Variants in DLG2 observed in about 807,000 individuals in gnomAD.
The protein encoded by DLG2 is discs large MAGUK scaffold protein 2.
A neutral mutation model predicts 132.5 loss-of-function variants in DLG2; 45 were observed. The observed-to-expected ratio is 0.34, with a 90% CI of 0.27 to 0.44. The LOEUF is 0.44. Among genes scored for constraint, DLG2 ranks in the 20% least tolerant of loss-of-function variants. The pLI is 1.00. For synonymous variants in DLG2, 424 were observed against 419.6 expected, an observed-to-expected ratio of 1.01 and a Z score of -0.13; for missense variants, 1,045 against 1,196.9, an observed-to-expected ratio of 0.87 and a Z score of 1.87.
At chr11:83,861,188 C>T (rs1461466020) in intron 16 of DLG2, among the ~76,000 whole-genome samples, 2 of 152,204 alleles carry the variant, frequency 1.3e-5, no homozygotes, top group African/African-American at 4.8e-5. Flanking sequence ...GATATCATTT[C>T]ACCCCAGTCA....
intron 8 of DLG2, among the ~76,000 whole-genome samples, chr11:84,243,815 G>C (rs2097266509): frequency 6.6e-6 from 1 of 152,128 alleles, no homozygotes; most frequent in South Asian, 2.1e-4. Context: ...TCAGAGAAAT[G>C]TTTTATTTTA....
At chr11:83,871,883 G>GT (rs894736265) in intron 16 of DLG2, among the ~76,000 whole-genome samples, 4 of 151,556 alleles carry the variant, frequency 2.6e-5, no homozygotes, top group African/African-American at 4.9e-5. Flanking sequence ...AATAAATTTT[G>GT]TTTTTTTTCA....
At chr11:84,693,360 C>T (rs893487259) in intron 6 of DLG2, among the ~76,000 whole-genome samples, 2 of 151,616 alleles carry the variant, frequency 1.3e-5, no homozygotes, top group South Asian at 2.1e-4. Context: ...GTTGCTGACT[C>T]GAGTTACCAG....
intron 6 of DLG2, among the ~76,000 whole-genome samples, chr11:85,062,223 G>T (rs2064226649): frequency 6.6e-6 from 1 of 151,770 alleles, no homozygotes; most frequent in Non-Finnish European, 1.5e-5. Context: ...ATGCTATGAA[G>T]AAAAGTACAG....
At chr11:83,601,667 A>G (rs1316683693) in intron 19 of DLG2, among the ~76,000 whole-genome samples, 1 of 150,264 alleles carries the variant, frequency 6.7e-6, no homozygotes, top group Non-Finnish European at 1.5e-5. Context: ...ACATGCCAAC[A>G]TGCCAAGCTA....
intron 18 of DLG2, among the ~76,000 whole-genome samples, chr11:83,762,460 C>T (rs1404458961): frequency 1.3e-5 from 2 of 152,194 alleles, no homozygotes; most frequent in South Asian, 2.1e-4. Flanking sequence ...AAGATTTTGT[C>T]GACTATACCT....
intron 7 of DLG2, among the ~76,000 whole-genome samples, chr11:84,519,950 G>T (rs530201085): frequency 1.3e-5 from 2 of 152,064 alleles, no homozygotes; most frequent in East Asian, 1.9e-4. Context: ...CTAGGGAAAG[G>T]GGTCATAGTT....
rs563938641 is a variant in DLG2, at chr11:84,829,556, G to C, written c.357+282105C>G. Among the ~76,000 whole-genome samples, 377 of 151,802 alleles carry C rather than the reference G, an allele frequency of 2.5e-3. 1 individual carries two copies. The highest frequency in any genetic ancestry group is 8.4e-3 in the African/African-American group (349 of 41,482). ...GCGTAGTAAAGTGGAAAGACCACGG[G>C]CTTAACAGTTAAACAGGTCTATATT... On this transcript the variant is annotated intron_variant, in intron 6 of 27. Coordinates refer to ENST00000376104, the MANE Select transcript of DLG2 (RefSeq NM_001142699.3).
chr11:85,344,095 C>G (rs117202612), intron 3 of DLG2, among the ~76,000 whole-genome samples: 3 of 152,300 alleles, frequency 2.0e-5, no homozygotes, highest in Non-Finnish European at 4.4e-5. Context: ...GTTCTCCCCC[C>G]ATTGTGTGTT....
chr11:85,014,706 G>A (rs1254672308), intron 6 of DLG2, among the ~76,000 whole-genome samples: 10 of 152,140 alleles, frequency 6.6e-5, no homozygotes, highest in Non-Finnish European at 8.8e-5. Flanking sequence ...GCCCCACCCG[G>A]ACCTAACACA....
Position 85,531,731 on chromosome 11 carries a change from G to A in DLG2, c.40+66926C>T, listed in dbSNP as rs59948589. On this transcript the variant is annotated intron_variant, in intron 3 of 27. Coordinates refer to ENST00000376104, the MANE Select transcript of DLG2 (RefSeq NM_001142699.3). ...CTGTGACTGAATCAGGTTACACAGCGGTGGAGGGGTGGAGAAAGACACACG... is the reference window on the plus strand; with the variant it reads ...CTGTGACTGAATCAGGTTACACAGCAGTGGAGGGGTGGAGAAAGACACACG... 1.3e-3 allele frequency among the ~76,000 whole-genome samples: 197 copies of A among 152,224 alleles called. 1 individual carries two copies. The highest frequency in any genetic ancestry group is 3.7e-3 in the African/African-American group (153 of 41,538).
chr11:84,369,275 T>C (rs925281084), intron 7 of DLG2, among the ~76,000 whole-genome samples: 1 of 152,150 alleles, frequency 6.6e-6, no homozygotes, highest in African/African-American at 2.4e-5. Flanking sequence ...AACTTAGGTT[T>C]GTTATGCTTT....
intron 6 of DLG2, among the ~76,000 whole-genome samples, chr11:84,739,882 A>G (rs894947412): frequency 1.3e-5 from 2 of 152,054 alleles, no homozygotes; most frequent in African/African-American, 2.4e-5. Context: ...GTGATCCCAA[A>G]GTTTAATTTA....
chr11:83,773,293 T>C (rs1417295736), intron 18 of DLG2, among the ~76,000 whole-genome samples: 1 of 152,190 alleles, frequency 6.6e-6, no homozygotes, highest in East Asian at 1.9e-4. Flanking sequence ...ACCACCAGTA[T>C]ATTTACCTCT....
At chr11:84,067,498 A>G (rs1164142770) in intron 10 of DLG2, among the ~76,000 whole-genome samples, 1 of 152,144 alleles carries the variant, frequency 6.6e-6, no homozygotes, top group Non-Finnish European at 1.5e-5. Flanking sequence ...TAGAAGCCAA[A>G]ACCTTATTAA....
At chr11:84,271,017 A>C (rs2097714645) in intron 7 of DLG2, among the ~76,000 whole-genome samples, 1 of 152,196 alleles carries the variant, frequency 6.6e-6, no homozygotes, top group African/African-American at 2.4e-5. Context: ...GTGTACATGA[A>C]ATACATATCA....
In DLG2 at chr11:85,070,590, G is replaced by A. The variant is rs1013322577; in HGVS notation, c.357+41071C>T. ...CTATAAAAATGTTTTAAAACTTTAA[G>A]AAGTATAAGCACTAAACCAAAAAGT... On this transcript the variant is annotated intron_variant, in intron 6 of 27. Transcript: ENST00000376104. Among the ~76,000 whole-genome samples, 41 of 151,762 alleles carry A rather than the reference G, an allele frequency of 2.7e-4. 2 individuals carry two copies. Among genetic ancestry groups the A allele is most frequent in the Non-Finnish European group, 4.4e-5 (3 of 67,846 alleles).
intron 3 of DLG2, among the ~76,000 whole-genome samples, chr11:85,345,360 A>T (rs1305508962): frequency 6.6e-6 from 1 of 152,130 alleles, no homozygotes; most frequent in East Asian, 1.9e-4. Flanking sequence ...AAGAACAGGC[A>T]AGTACATAGG....
intron 18 of DLG2, among the ~76,000 whole-genome samples, chr11:83,649,884 A>G (rs1248858664): frequency 6.6e-6 from 1 of 152,176 alleles, no homozygotes; most frequent in Non-Finnish European, 1.5e-5. Flanking sequence ...CTCCATTAGC[A>G]TAGGTATGAA....
Sources: gnomAD v4.1 joint callset for allele counts (sites outside exome capture counted in the v4.1 genomes callset) on GRCh38, gnomAD v4.1.1 for gene constraint, MANE v1.5 for transcripts, NCBI Gene and HGNC (gene_info 2026-07-23, HGNC 2026-07-21) for gene names.